The following KCNK12 variants were observed in gnomAD, a reference collection of about 807,000 sequenced individuals.
KCNK12 encodes the protein potassium channel subfamily K member 12.
In KCNK12, 6 loss-of-function variants were observed where a neutral mutation model predicts 25.3. The ratio of observed to expected loss-of-function variants is 0.24; its 90% CI spans 0.13 to 0.47. KCNK12 has a LOEUF of 0.47. Among genes scored for constraint, KCNK12 ranks in the 20% least tolerant of loss-of-function variants. The probability of loss-of-function intolerance (pLI) is 0.99; values close to 1 mark genes in which losing one functional copy is unlikely to be tolerated. For synonymous variants in KCNK12, 331 were observed against 311.1 expected (o/e 1.06, Z -0.67); for missense variants, 444 against 661.7 (o/e 0.67, Z 3.61).
chr2:47,516,647 G>GA lies in KCNK12; in HGVS notation c.*4259dup, dbSNP rs1165772063. The GA allele has an allele frequency of 1.3e-5, 2 of 152,210 alleles. No individual in the cohort carries two copies. The highest frequency in any genetic ancestry group is 4.8e-5 in the African/African-American group (2 of 41,436). 9.4% of individuals were successfully genotyped at this position (152,210 alleles called of 1,614,324 possible). ...AAGTCCTCTCTTGGAATGCTGCTCA[G>GA]AAAAATAGATGTATTGTTTGAGAAA... is the stretch of plus-strand genomic sequence containing the variant. On this transcript the variant is annotated 3_prime_UTR_variant, in exon 2 of 2. Coordinates refer to ENST00000327876, the MANE Select transcript of KCNK12 (RefSeq NM_022055.2).
At chr2:47,564,586 A>G (rs1669753352) in intron 1 of KCNK12, 2 of 193,132 alleles carry the variant, frequency 1.0e-5, no homozygotes, top group Non-Finnish European at 2.2e-5. Context: ...AGTACACATC[A>G]GTTAGTTTCC....
intron 1 of KCNK12, among the ~76,000 whole-genome samples, chr2:47,544,281 C>T (rs560720344): frequency 1.4e-4 from 22 of 152,348 alleles, no homozygotes; most frequent in African/African-American, 4.1e-4. Flanking sequence ...GGTACAGTCT[C>T]AGCCTGTAAC....
At position 47,570,595 on chromosome 2, in the gene KCNK12, C is replaced by G. The variant is rs1257858822; in HGVS notation, c.-264G>C. 7.8e-6 allele frequency: 2 copies of G among 255,272 alleles called. No homozygotes were observed. The highest frequency in any genetic ancestry group is 1.5e-5 in the Non-Finnish European group (2 of 136,034). The allele number at this position is 255,272 out of a possible 1,614,324, so 15.8% of individuals were successfully genotyped here. A position where few individuals can be genotyped will look rare whatever the true frequency, so the allele number is the denominator to read the frequency against. On this transcript the variant is annotated 5_prime_UTR_variant, in exon 1 of 2. Transcript: ENST00000327876. ...GGCGCTCCTCTGCGCGCCCCGACGCCTCGCCGGCTCCCGCGGCTCCTTACC... is the reference window on the plus strand; with the variant it reads ...GGCGCTCCTCTGCGCGCCCCGACGCGTCGCCGGCTCCCGCGGCTCCTTACC...
chr2:47,553,398 G>GT (rs963752748), intron 1 of KCNK12, among the ~76,000 whole-genome samples: 3 of 152,082 alleles, frequency 2.0e-5, no homozygotes, highest in East Asian at 3.9e-4. Flanking sequence ...TATATAAGCT[G>GT]TTTTTTTTGG....
chr2:47,538,875 T>A lies in KCNK12; in HGVS notation c.392-17067A>T, dbSNP rs1324678041. Among the ~76,000 whole-genome samples the A allele has an allele frequency of 6.6e-6, 1 of 152,176 alleles. No homozygotes were observed. Among genetic ancestry groups the A allele is most frequent in the Admixed American group, 6.5e-5 (1 of 15,274 alleles). The stretch of plus-strand genomic sequence containing the variant: ...CCATGACTTTCATTTGATTTTAATG[T>A]GAGGGAGAAACATAAACTAGTAGTT... On this transcript the variant is annotated intron_variant, in intron 1 of 1. Transcript: ENST00000327876. This position sits in a 1 kb window ranked among gnomAD's most constrained non-coding sequence, Gnocchi z 4.5.
At chr2:47,558,883 T>A (rs1669604180) in intron 1 of KCNK12, among the ~76,000 whole-genome samples, 1 of 152,176 alleles carries the variant, frequency 6.6e-6, no homozygotes, top group African/African-American at 2.4e-5. Flanking sequence ...CTGATTAAAC[T>A]TCCGTCAAAT....
At chr2:47,531,865 C>A (rs1266994038) in intron 1 of KCNK12, among the ~76,000 whole-genome samples, 2 of 152,154 alleles carry the variant, frequency 1.3e-5, no homozygotes. Context: ...TCACTTCAGC[C>A]TCTGATTGGT....
chr2:47,510,889 G>C lies in KCNK12; in HGVS notation c.*10018C>G, dbSNP rs1203426489. On this transcript the variant is annotated 3_prime_UTR_variant, in exon 2 of 2. Coordinates refer to ENST00000327876, the MANE Select transcript of KCNK12 (RefSeq NM_022055.2). Reference sequence around the variant, plus strand: ...TGGGTGAAGCACAGAGCAGCCTAGTGCTTGGCATGGGACTCAGATCTGAAG... The same window carrying C: ...TGGGTGAAGCACAGAGCAGCCTAGTCCTTGGCATGGGACTCAGATCTGAAG... 2 of 152,232 alleles carry C rather than the reference G, an allele frequency of 1.3e-5. No individual in the cohort carries two copies. Among genetic ancestry groups the C allele is most frequent in the Non-Finnish European group, 2.9e-5 (2 of 68,044 alleles). 9.4% of individuals were successfully genotyped at this position (152,232 alleles called of 1,614,324 possible).
chr2:47,539,335 T>C (rs979528162), intron 1 of KCNK12, among the ~76,000 whole-genome samples: 4 of 152,250 alleles, frequency 2.6e-5, no homozygotes, highest in Non-Finnish European at 5.9e-5. Flanking sequence ...AGTGTTTATA[T>C]GCTCTCAATC....
rs1669712751 is a variant in KCNK12 at position 47,562,982 on chromosome 2, C to A, written c.391+6959G>T. The A allele has an allele frequency of 4.3e-6, 1 of 233,482 alleles. No individual in the cohort carries two copies. Among genetic ancestry groups the A allele is most frequent in the East Asian group, 6.0e-5 (1 of 16,598 alleles). 14.5% of individuals were successfully genotyped at this position (233,482 alleles called of 1,614,324 possible). A position where few individuals can be genotyped will look rare whatever the true frequency, so the allele number is the denominator to read the frequency against. ...GAACTGGACGGAAAAAATGGAAGGGCCAGAAAACTTGGGGAGGACTCCAGA... is the reference window on the plus strand; with the variant it reads ...GAACTGGACGGAAAAAATGGAAGGGACAGAAAACTTGGGGAGGACTCCAGA... On this transcript the variant is annotated intron_variant, in intron 1 of 1. Transcript: ENST00000327876. This position sits in a 1 kb window ranked among gnomAD's most constrained non-coding sequence, Gnocchi z 4.8.
At chr2:47,522,116 AAC>A (rs1359695131) in intron 1 of KCNK12, among the ~76,000 whole-genome samples, 7 of 152,172 alleles carry the variant, frequency 4.6e-5, no homozygotes, top group African/African-American at 1.7e-4. Flanking sequence ...AAAAAATAGA[AAC>A]CACTGCTGCA....
In KCNK12 at chr2:47,569,957, G is replaced by T; in HGVS notation, c.375C>A (p.Thr125=). 7.0e-7 allele frequency: 1 copy of T among 1,426,330 alleles called. No individual in the cohort carries two copies. The highest frequency in any genetic ancestry group is 1.5e-5 in the South Asian group (1 of 67,614). The allele number at this position is 1,426,330 out of a possible 1,614,324, so 88.4% of individuals were successfully genotyped here. Residue 125 remains threonine, a synonymous_variant, in exon 1 of 2, where the codon ACC becomes ACA. Transcript: ENST00000327876. The surrounding 1 kb of genome is among the most constrained non-coding windows in gnomAD (Gnocchi z 4.1). ...DFPGAFYFVG[T]VVSTIGFGMT... is the part of the protein sequence containing the mutation. The stretch of plus-strand genomic sequence containing the variant: ...GCCGCTCACCTATGGTTGACACCAC[G>T]GTGCCCACGAAGTAGAAGGCGCCGG...
At position 47,521,238 on chromosome 2, in the gene KCNK12, C is replaced by A; in HGVS notation, c.962G>T (p.Cys321Phe). ...RKLSCRCCARCCPAPGAPLAR... is the reference protein window; with the variant it reads ...RKLSCRCCARFCPAPGAPLAR... ...CAGGGGCGCGCCAGGAGCCGGGCAG[C>A]AGCGCGCGCAGCAGCGGCAGCTCAG... The change falls in exon 2 of 2, where the codon TGC (cysteine) becomes TTC (phenylalanine). Residue 321 changes from cysteine (C) to phenylalanine (F), a missense_variant. Cys to Phe is a radical substitution (Grantham distance 205, BLOSUM62 -2). Around this residue, in one of 8 missense-constraint regions of KCNK12, gnomAD observed 69 missense variants for 81.7 expected, o/e 0.84. Transcript: ENST00000327876. 6.2e-7 allele frequency: 1 copy of A among 1,603,840 alleles called. No individual in the cohort carries two copies. Among genetic ancestry groups the A allele is most frequent in the Non-Finnish European group, 8.5e-7 (1 of 1,175,586 alleles).
In KCNK12 at chr2:47,570,430, C is replaced by A. The variant is rs916644598; in HGVS notation, c.-99G>T. The A allele has an allele frequency of 8.6e-6, 10 of 1,163,124 alleles. No homozygotes were observed. Among genetic ancestry groups the A allele is most frequent in the Admixed American group, 4.5e-5 (1 of 22,132 alleles). 72.1% of individuals were successfully genotyped at this position (1,163,124 alleles called of 1,614,324 possible). On this transcript the variant is annotated 5_prime_UTR_variant, in exon 1 of 2. Transcript: ENST00000327876. ...AGCGTGAGGATGGTGGCCAGGGGTC[C>A]GGGGCCGCCGCGGAGCCCCTCGCCG...
In KCNK12 at chr2:47,525,675, G is replaced by T. The variant is rs911236412; in HGVS notation, c.392-3867C>A. Among the ~76,000 whole-genome samples, 11 of 152,168 alleles carry T rather than the reference G, an allele frequency of 7.2e-5. No individual in the cohort carries two copies. The highest frequency in any genetic ancestry group is 8.8e-5 in the Non-Finnish European group (6 of 68,014). The stretch of plus-strand genomic sequence containing the variant: ...AGATCTGAAGAGACTGCTCAAGAGG[G>T]CTGCCTGCTGGAGCAAGGGGGCCCT... On this transcript the variant is annotated intron_variant, in intron 1 of 1. Coordinates refer to ENST00000327876, the MANE Select transcript of KCNK12 (RefSeq NM_022055.2). The surrounding 1 kb of genome is among the most constrained non-coding windows in gnomAD (Gnocchi z 4.1).
At chr2:47,523,997 A>G (rs1467239187) in intron 1 of KCNK12, among the ~76,000 whole-genome samples, 2 of 152,240 alleles carry the variant, frequency 1.3e-5, no homozygotes, top group African/African-American at 2.4e-5. Context: ...TGTGCTAACA[A>G]TCATTTTCTA....
In KCNK12 at chr2:47,521,263, G is replaced by C. The variant is rs1162125261; in HGVS notation, c.937C>G (p.Leu313Val). The C allele has an allele frequency of 1.2e-6, 2 of 1,609,248 alleles. No individual in the cohort carries two copies. Among genetic ancestry groups the C allele is most frequent in the Non-Finnish European group, 1.7e-6 (2 of 1,178,502 alleles). The stretch of plus-strand genomic sequence containing the variant: ...CAGCGCGCGCAGCAGCGGCAGCTCA[G>C]CTTGCGCAGCATCCAGTTGAGCACC... ...KQVLNWMLRK[L>V]SCRCCARCCP... Residue 313 changes from leucine to valine, a missense_variant, in exon 2 of 2, where the codon CTG becomes GTG. Transcript: ENST00000327876.
chr2:47,566,204 C>G lies in KCNK12; in HGVS notation c.391+3737G>C, dbSNP rs1404356421. 2 of 152,210 alleles carry G rather than the reference C, an allele frequency of 1.3e-5. No individual in the cohort carries two copies. Among genetic ancestry groups the G allele is most frequent in the Non-Finnish European group, 2.9e-5 (2 of 68,046 alleles). The allele number at this position is 152,210 out of a possible 1,614,324, so 9.4% of individuals were successfully genotyped here. A position where few individuals can be genotyped will look rare whatever the true frequency, so the allele number is the denominator to read the frequency against. On this transcript the variant is annotated intron_variant, in intron 1 of 1. Transcript: ENST00000327876. The surrounding 1 kb of genome is among the most constrained non-coding windows in gnomAD (Gnocchi z 4.1). Reference sequence around the variant, plus strand: ...CACTGTGTAGACACACGTGTATCTACACGATTGCAAACTGCCCAGCTGTGG... The same window carrying G: ...CACTGTGTAGACACACGTGTATCTAGACGATTGCAAACTGCCCAGCTGTGG...
Position 47,570,271 on chromosome 2 carries a change from A to G in KCNK12, c.61T>C (p.Ser21Pro). The G allele has an allele frequency of 7.1e-7, 1 of 1,415,320 alleles. No individual in the cohort carries two copies. The highest frequency in any genetic ancestry group is 1.4e-5 in the South Asian group (1 of 70,086). The allele number at this position is 1,415,320 out of a possible 1,614,324, so 87.7% of individuals were successfully genotyped here. ...RRSRRRLPRP[S>P]CCCCCCRRSH... ...CGGCGGCAGCAGCAGCAGCAGCAGGAGGGGCGCGGCAGGCGGCGGCGGCTA... is the reference window on the plus strand; with the variant it reads ...CGGCGGCAGCAGCAGCAGCAGCAGGGGGGGCGCGGCAGGCGGCGGCGGCTA... The change falls in exon 1 of 2, where the codon TCC becomes CCC. Residue 21 changes from serine (S) to proline (P), a missense_variant. Physicochemically the swap from Ser to Pro is moderately conservative, Grantham distance 74. Around this residue, in one of 8 missense-constraint regions of KCNK12, gnomAD observed 67 missense variants for 59.2 expected, o/e 1.13. Transcript: ENST00000327876.
Sources: allele counts gnomAD v4.1 joint callset (sites outside exome capture counted in the v4.1 genomes callset), GRCh38; gene constraint gnomAD v4.1.1; regional missense constraint gnomAD v4.1.1; non-coding constraint Gnocchi (gnomAD v3.1); transcripts MANE v1.5; gene names NCBI Gene and HGNC (gene_info 2026-07-23, HGNC 2026-07-21).